Variants in PARVA observed in about 807,000 individuals in gnomAD.
PARVA encodes parvin alpha.
A neutral mutation model predicts 52.6 loss-of-function variants in PARVA; 25 were observed. The ratio of observed to expected loss-of-function variants is 0.48; its 90% CI spans 0.35 to 0.66. The LOEUF is 0.66. PARVA is among the 30% of genes least tolerant of loss of function. The probability of loss-of-function intolerance (pLI) is 0.01; values close to 1 mark genes in which losing one functional copy is unlikely to be tolerated. For synonymous variants in PARVA, 185 were observed against 179.1 expected, an observed-to-expected ratio of 1.03 and a Z score of -0.26; for missense variants, 373 against 450.9, an observed-to-expected ratio of 0.83 and a Z score of 1.56.
chr11:12,520,472 G>A (rs1408927298), intron 12 of PARVA, among the ~76,000 whole-genome samples: 1 of 152,182 alleles, frequency 6.6e-6, no homozygotes, highest in East Asian at 1.9e-4. Context: ...ATGGCAACAT[G>A]TTTTTAAGGT....
chr11:12,472,351 G>A (rs1331210379), intron 1 of PARVA, among the ~76,000 whole-genome samples: 4 of 152,220 alleles, frequency 2.6e-5, no homozygotes, highest in African/African-American at 7.2e-5. Context: ...CTTGATTTAA[G>A]CTTTGAAGGT....
At chr11:12,428,434 A>G (rs575734078) in intron 1 of PARVA, among the ~76,000 whole-genome samples, 1 of 152,312 alleles carries the variant, frequency 6.6e-6, no homozygotes, top group African/African-American at 2.4e-5. Flanking sequence ...AACATTACTA[A>G]GCCAGGACAG....
intron 1 of PARVA, among the ~76,000 whole-genome samples, chr11:12,416,907 G>A (rs1378215087): frequency 6.6e-6 from 1 of 152,172 alleles, no homozygotes; most frequent in African/African-American, 2.4e-5. Flanking sequence ...TGTATGGCCA[G>A]TATCTTGGGA....
chr11:12,383,502 T>C (rs1939523521), intron 1 of PARVA, among the ~76,000 whole-genome samples: 3 of 152,234 alleles, frequency 2.0e-5, no homozygotes, highest in Admixed American at 2.0e-4. Flanking sequence ...CTTCTAATAA[T>C]ACTAGTTCTT....
intron 1 of PARVA, among the ~76,000 whole-genome samples, chr11:12,461,027 C>T (rs1940770847): frequency 1.3e-5 from 2 of 152,262 alleles, no homozygotes; most frequent in South Asian, 4.2e-4. Flanking sequence ...GCAGCGTCCC[C>T]CCCTCTCACA....
At chr11:12,400,076 A>C (rs1939804355) in intron 1 of PARVA, among the ~76,000 whole-genome samples, 1 of 152,198 alleles carries the variant, frequency 6.6e-6, no homozygotes, top group African/African-American at 2.4e-5. Context: ...AATCTCTATT[A>C]AAAAATAAAA....
chr11:12,503,365 GT>G (rs1320057592), intron 5 of PARVA, among the ~76,000 whole-genome samples: 1 of 152,166 alleles, frequency 6.6e-6, no homozygotes, highest in East Asian at 1.9e-4. Context: ...AGAGTTCATG[GT>G]TAAGTGGGAA....
At chr11:12,513,662 C>T (rs2288293) in intron 9 of PARVA, 330,070 of 594,514 alleles carry the variant, frequency 0.56, 93,365 homozygotes, top group East Asian at 0.67. Flanking sequence ...GCACCTGTGC[C>T]GAAGAAGGGA....
chr11:12,502,046 A>C (rs1433743356), intron 5 of PARVA, among the ~76,000 whole-genome samples: 1 of 152,196 alleles, frequency 6.6e-6, no homozygotes, highest in Non-Finnish European at 1.5e-5. Context: ...TGACCACACC[A>C]TGTCAGTGGG....
intron 5 of PARVA, among the ~76,000 whole-genome samples, chr11:12,497,980 T>C (rs1941319192): frequency 1.3e-5 from 2 of 152,164 alleles, no homozygotes; most frequent in South Asian, 4.1e-4. Flanking sequence ...ATATTTAACT[T>C]ATCATGGCAC....
At chr11:12,392,890 C>T (rs1939680274) in intron 1 of PARVA, among the ~76,000 whole-genome samples, 1 of 152,050 alleles carries the variant, frequency 6.6e-6, no homozygotes. Flanking sequence ...ACACCAGAGA[C>T]ATGCTGCATC....
intron 12 of PARVA, among the ~76,000 whole-genome samples, chr11:12,525,664 C>T (rs1167913138): frequency 6.6e-6 from 1 of 152,132 alleles, no homozygotes; most frequent in Non-Finnish European, 1.5e-5. Flanking sequence ...GGTGGGACTC[C>T]TGGCTCAGCA....
intron 1 of PARVA, among the ~76,000 whole-genome samples, chr11:12,425,274 C>T (rs967859632): frequency 2.0e-5 from 3 of 152,140 alleles, no homozygotes; most frequent in African/African-American, 4.8e-5. Context: ...TGAATGTAAA[C>T]CACCTGTGAA....
chr11:12,472,031 G>GAGATATTAGA (rs1247478098), intron 1 of PARVA, among the ~76,000 whole-genome samples: 3 of 152,224 alleles, frequency 2.0e-5, no homozygotes, highest in Admixed American at 1.3e-4. Flanking sequence ...AGTTCTAGGG[G>GAGATATTAGA]AGATATTAGA....
rs751603811 is a variant in PARVA at position 12,477,916 on chromosome 11, T to A, written c.367T>A (p.Leu123Met). The change falls in exon 4 of 13, where the codon TTG becomes ATG. Residue 123 changes from leucine (L) to methionine (M), a missense_variant. Leu to Met is a conservative substitution (Grantham distance 15). Coordinates refer to ENST00000334956, the MANE Select transcript of PARVA (RefSeq NM_018222.5). ...CATTGTGAAAGACCTAGCTGAAGAT[T>A]TGTATGATGGACAAGTCCTGCAGAA... ...RIIVKDLAED[L>M]YDGQVLQKLF... The A allele has an allele frequency of 3.1e-6, 5 of 1,610,016 alleles. No homozygotes were observed. In the Admixed American group the frequency reaches 6.7e-5, roughly 21 times the overall value.
chr11:12,476,428 AC>A (rs1319596892), intron 3 of PARVA, among the ~76,000 whole-genome samples: 1 of 152,006 alleles, frequency 6.6e-6, no homozygotes, highest in Non-Finnish European at 1.5e-5. Flanking sequence ...GCTATAGTGC[AC>A]TATGATTGCA....
chr11:12,388,820 C>T (rs928429052), intron 1 of PARVA, among the ~76,000 whole-genome samples: 7 of 151,966 alleles, frequency 4.6e-5, no homozygotes, highest in African/African-American at 1.7e-4. Flanking sequence ...TTTATAGGCA[C>T]ATAATACTCC....
intron 1 of PARVA, among the ~76,000 whole-genome samples, chr11:12,425,948 C>G (rs1016156532): frequency 3.3e-5 from 5 of 152,132 alleles, no homozygotes; most frequent in African/African-American, 1.2e-4. Context: ...AAAGTTTCTA[C>G]AAAGAACCAA....
intron 12 of PARVA, among the ~76,000 whole-genome samples, chr11:12,520,190 TGATGTG>T (rs1941620403): frequency 6.6e-6 from 1 of 152,250 alleles, no homozygotes; most frequent in African/African-American, 2.4e-5. Flanking sequence ...ACTAACAGAC[TGATGTG>T]GATGGAAAAA....
Sources: gnomAD v4.1 joint callset for allele counts (sites outside exome capture counted in the v4.1 genomes callset) on GRCh38, gnomAD v4.1.1 for gene constraint, MANE v1.5 for transcripts, NCBI Gene and HGNC (gene_info 2026-07-23, HGNC 2026-07-21) for gene names.